FAT3: variants seen among roughly 807,000 people sequenced by gnomAD.
FAT3 encodes protocadherin Fat 3.
FAT3 carries 95 observed loss-of-function variants against 310.2 expected under a neutral mutation model. That is an observed-to-expected ratio of 0.31 (90% CI 0.26 to 0.36). The LOEUF is 0.36. Ranked by LOEUF, FAT3 falls within the 10% of genes least tolerant of loss-of-function variation. The pLI is 1.00. For synonymous variants in FAT3, 2,314 were observed against 2,192.9 expected (o/e 1.06, Z -1.54); for missense variants, 5,408 against 5,715.6 (o/e 0.95, Z 1.74).
intron 2 of FAT3, among the ~76,000 whole-genome samples, chr11:92,451,293 G>C (rs1177141261): frequency 6.6e-6 from 1 of 152,142 alleles, no homozygotes; most frequent in Non-Finnish European, 1.5e-5. Context: ...TTTTAATTTG[G>C]ATGGTGGAGC....
intron 1 of FAT3, among the ~76,000 whole-genome samples, chr11:92,346,341 T>A (rs918305006): frequency 7.2e-5 from 11 of 152,126 alleles, no homozygotes; most frequent in African/African-American, 2.7e-4. Context: ...AGTAGTTCCC[T>A]AACGCAGCTG....
chr11:92,890,685 C>T lies in FAT3; in HGVS notation c.13342C>T (p.Gln4448Ter), dbSNP rs1949897632. ...PPPHEEEFLS[Q>*]DQLPPPLPED... ...CCCTCATGAAGAGGAGTTCTTGAGT[C>T]AGGACCAGCTGCCTCCTCCTCTCCC... Residue 4448 changes from glutamine (Q) to a stop codon, truncating the protein, a stop_gained, in exon 28 of 28, where the codon CAG becomes TAG. Coordinates refer to ENST00000525166, the MANE Select transcript of FAT3 (RefSeq NM_001367949.2). LOFTEE classifies it high-confidence loss of function. The T allele has an allele frequency of 6.2e-7, 1 of 1,613,566 alleles. No homozygotes were observed. Among genetic ancestry groups the T allele is most frequent in the Non-Finnish European group, 8.5e-7 (1 of 1,179,800 alleles).
intron 2 of FAT3, chr11:92,366,889 G>A (rs1227971429): frequency 1.9e-6 from 1 of 533,548 alleles, no homozygotes; most frequent in Admixed American, 1.9e-5. Flanking sequence ...GAGGTGGTGG[G>A]ACATCACAGG....
intron 2 of FAT3, among the ~76,000 whole-genome samples, chr11:92,439,529 T>TA (rs1226110581): frequency 6.6e-6 from 1 of 152,134 alleles, no homozygotes; most frequent in Non-Finnish European, 1.5e-5. Flanking sequence ...CAAGAATGGA[T>TA]ATGACAGGGT....
chr11:92,596,248 A>G (rs576522487), intron 3 of FAT3, among the ~76,000 whole-genome samples: 7 of 152,278 alleles, frequency 4.6e-5, no homozygotes, highest in African/African-American at 1.7e-4. Flanking sequence ...ACCCAGTCCC[A>G]CTTTCTGAAG....
chr11:92,398,003 A>G (rs1015016460), intron 2 of FAT3, among the ~76,000 whole-genome samples: 1 of 152,116 alleles, frequency 6.6e-6, no homozygotes, highest in Non-Finnish European at 1.5e-5. Flanking sequence ...GTATTGTCTG[A>G]CAGTTCTGGA....
chr11:92,866,441 A>G lies in FAT3; in HGVS notation c.11659-300A>G, dbSNP rs79763554. Among the ~76,000 whole-genome samples, 657 of 152,312 alleles carry G rather than the reference A, an allele frequency of 4.3e-3. 3 individuals are homozygous for G. The highest frequency in any genetic ancestry group is 0.015 in the African/African-American group (620 of 41,556). ...GACCCCTAAACCAGATATTGCTGGG[A>G]ATTTTAAAAGGTAAAGACCCAAGGA... On this transcript the variant is annotated intron_variant, in intron 21 of 27. Coordinates refer to ENST00000525166, the MANE Select transcript of FAT3 (RefSeq NM_001367949.2).
At chr11:92,651,031 C>A (rs1447764021) in intron 3 of FAT3, among the ~76,000 whole-genome samples, 1 of 152,140 alleles carries the variant, frequency 6.6e-6, no homozygotes, top group Non-Finnish European at 1.5e-5. Flanking sequence ...CAACTCAGTT[C>A]ATGATGTTGG....
At chr11:92,750,500 C>CA (rs1251044846) in intron 4 of FAT3, among the ~76,000 whole-genome samples, 1 of 152,110 alleles carries the variant, frequency 6.6e-6, no homozygotes, top group East Asian at 1.9e-4. Context: ...AGGAGCTTGG[C>CA]TTTATAGACA....
intron 2 of FAT3, among the ~76,000 whole-genome samples, chr11:92,507,102 T>C (rs1365081744): frequency 6.6e-6 from 1 of 152,220 alleles, no homozygotes; most frequent in Non-Finnish European, 1.5e-5. Flanking sequence ...TTAGTATTTA[T>C]CGAAGTCTTG....
At position 92,798,882 on chromosome 11, in the gene FAT3, G is replaced by T; in HGVS notation, c.5869G>T (p.Val1957Leu). ...GGATCACTACATGCTGATAGTTAAG[G>T]TGTCTGATGGAAAGTTCTACAGTAC... Reference protein sequence around the residue: ...SKDHYMLIVKVSDGKFYSTSM... With the variant: ...SKDHYMLIVKLSDGKFYSTSM... Residue 1957 changes from valine to leucine, a missense_variant, in exon 10 of 28, where the codon GTG becomes TTG. By Grantham distance (32) the Val-to-Leu change is conservative. Coordinates refer to ENST00000525166, the MANE Select transcript of FAT3 (RefSeq NM_001367949.2). 1 of 1,613,930 alleles carries T rather than the reference G, an allele frequency of 6.2e-7. No homozygotes were observed. Among genetic ancestry groups the T allele is most frequent in the Non-Finnish European group, 8.5e-7 (1 of 1,179,866 alleles).
intron 3 of FAT3, among the ~76,000 whole-genome samples, chr11:92,556,097 T>A (rs1409705304): frequency 6.6e-6 from 1 of 152,210 alleles, no homozygotes; most frequent in Non-Finnish European, 1.5e-5. Flanking sequence ...AAATGTTGGC[T>A]ATGATGATTG....
intron 3 of FAT3, among the ~76,000 whole-genome samples, chr11:92,654,052 A>T (rs956134931): frequency 6.6e-6 from 1 of 152,210 alleles, no homozygotes; most frequent in African/African-American, 2.4e-5. Context: ...GCATATTTTC[A>T]AATTAGCTTA....
intron 3 of FAT3, among the ~76,000 whole-genome samples, chr11:92,544,298 A>G (rs1017915111): frequency 3.3e-5 from 5 of 152,184 alleles, no homozygotes; most frequent in African/African-American, 1.2e-4. Context: ...CTGGTGTTCG[A>G]TAGATTGTAG....
intron 21 of FAT3, among the ~76,000 whole-genome samples, chr11:92,865,599 C>T (rs1309866306): frequency 6.6e-6 from 1 of 152,214 alleles, no homozygotes; most frequent in Non-Finnish European, 1.5e-5. Flanking sequence ...CAATTTTTGG[C>T]TGTGAATCCC....
chr11:92,442,076 ATATT>A (rs1951075533), intron 2 of FAT3, among the ~76,000 whole-genome samples: 1 of 106,610 alleles, frequency 9.4e-6, no homozygotes, highest in African/African-American at 5.4e-5. Context: ...TAAGAAATAT[ATATT>A]TTATATATAT....
At chr11:92,492,998 A>G (rs1288880322) in intron 2 of FAT3, among the ~76,000 whole-genome samples, 1 of 152,086 alleles carries the variant, frequency 6.6e-6, no homozygotes, top group Non-Finnish European at 1.5e-5. Context: ...TACATTTTCT[A>G]CAATTTACAG....
Position 92,801,205 on chromosome 11 carries a change from G to A in FAT3, c.8192G>A (p.Arg2731Lys), listed in dbSNP as rs1253166392. ...TAIGSTVDTL[R>K]ILPSQNVWFS... is the part of the protein sequence containing the mutation. ...ATTGGGAGTACAGTGGACACCCTGA[G>A]GATTTTGCCCAGTCAGAATGTCTGG... The change falls in exon 10 of 28, where the codon AGG becomes AAG. Residue 2731 changes from arginine (R) to lysine (K), a missense_variant. Arg to Lys is a conservative substitution (Grantham distance 26). Around this residue, in one of 5 missense-constraint regions of FAT3, gnomAD observed 4,588 missense variants for 4,809.8 expected, o/e 0.95. Transcript: ENST00000525166. The A allele has an allele frequency of 6.2e-7, 1 of 1,613,854 alleles. No homozygotes were observed. Among genetic ancestry groups the A allele is most frequent in the South Asian group, 1.1e-5 (1 of 91,058 alleles).
intron 3 of FAT3, among the ~76,000 whole-genome samples, chr11:92,558,191 C>T (rs1465553158): frequency 6.6e-6 from 1 of 152,212 alleles, no homozygotes; most frequent in Non-Finnish European, 1.5e-5. Context: ...ACTTAGTTGT[C>T]AGGATGCTTA....
Sources: gnomAD v4.1 joint callset for allele counts (sites outside exome capture counted in the v4.1 genomes callset) on GRCh38, gnomAD v4.1.1 for gene constraint, gnomAD v4.1.1 regional missense constraint, MANE v1.5 for transcripts, NCBI Gene and HGNC (gene_info 2026-07-23, HGNC 2026-07-21) for gene names.